TMEM117: variants seen among roughly 807,000 people sequenced by gnomAD.
TMEM117 encodes transmembrane protein 117.
Under a neutral mutation model 52.4 loss-of-function variants are expected in TMEM117, and 27 were observed. The ratio of observed to expected loss-of-function variants is 0.51; its 90% CI spans 0.38 to 0.71. TMEM117 has a LOEUF of 0.71. Among genes scored for constraint, TMEM117 ranks in the 30% least tolerant of loss-of-function variants. The pLI, the probability that TMEM117 is intolerant of heterozygous loss-of-function variation, is 0.00. For synonymous variants in TMEM117, 215 were observed against 206.3 expected (o/e 1.04, Z -0.36); for missense variants, 556 against 630.5 (o/e 0.88, Z 1.26).
At chr12:43,930,199 T>G (rs369212145) in intron 2 of TMEM117, among the ~76,000 whole-genome samples, 27 of 152,308 alleles carry the variant, frequency 1.8e-4, no homozygotes, top group African/African-American at 5.8e-4. Context: ...TAATTTTTGT[T>G]TACTCAGCAT....
At chr12:44,152,613 A>G (rs1172475369) in intron 4 of TMEM117, among the ~76,000 whole-genome samples, 1 of 126,394 alleles carries the variant, frequency 7.9e-6, no homozygotes, top group Non-Finnish European at 1.6e-5. Flanking sequence ...AAATTTTTAT[A>G]TACATAATAT....
chr12:43,817,034 T>G, the TMEM117 span, among the ~76,000 whole-genome samples: 1 of 152,220 alleles, frequency 6.6e-6, no homozygotes, highest in Non-Finnish European at 1.5e-5. Flanking sequence ...TTCAGCATTC[T>G]GAGCAGATGT....
rs548578541 is a variant in TMEM117, at chr12:44,167,142, G to A, written c.510+23518G>A. 1.8e-4 allele frequency among the ~76,000 whole-genome samples: 28 copies of A among 152,094 alleles called. No individual in the cohort carries two copies. The South Asian group carries it at 3.5e-3, about 19-fold the overall frequency. On this transcript the variant is annotated intron_variant, in intron 4 of 7. Coordinates refer to ENST00000266534, the MANE Select transcript of TMEM117 (RefSeq NM_032256.3). Reference sequence around the variant, plus strand: ...TTCCTGAAATTATATGCAATAAAACGTCCTCCATTCTACTTGAGCATAATT... The same window carrying A: ...TTCCTGAAATTATATGCAATAAAACATCCTCCATTCTACTTGAGCATAATT...
intron 2 of TMEM117, among the ~76,000 whole-genome samples, chr12:43,896,882 A>G (rs778490823): frequency 1.3e-5 from 2 of 152,164 alleles, no homozygotes; most frequent in Non-Finnish European, 2.9e-5. Flanking sequence ...TTTGCCCTAT[A>G]ATTTAATATA....
the TMEM117 span, among the ~76,000 whole-genome samples, chr12:44,396,399 A>G: frequency 6.6e-6 from 1 of 151,874 alleles, no homozygotes; most frequent in African/African-American, 2.4e-5. Flanking sequence ...TTCTTCCACT[A>G]TATGTTTATA....
intron 4 of TMEM117, among the ~76,000 whole-genome samples, chr12:44,157,565 T>C (rs527531837): frequency 6.6e-6 from 1 of 152,266 alleles, no homozygotes; most frequent in South Asian, 2.1e-4. Context: ...CTATTTTACA[T>C]AGCAGCCTTT....
chr12:44,082,719 T>C (rs1253861637), intron 3 of TMEM117, among the ~76,000 whole-genome samples: 1 of 152,148 alleles, frequency 6.6e-6, no homozygotes, highest in Non-Finnish European at 1.5e-5. Context: ...CATGAAAGTA[T>C]GTTATGCAAC....
intron 4 of TMEM117, among the ~76,000 whole-genome samples, chr12:44,183,840 C>T (rs944021760): frequency 2.0e-5 from 3 of 152,126 alleles, no homozygotes; most frequent in African/African-American, 4.8e-5. Flanking sequence ...CTCTTTTCTA[C>T]GTATTCATTG....
At chr12:44,208,048 A>G (rs570846978) in intron 4 of TMEM117, among the ~76,000 whole-genome samples, 1 of 152,276 alleles carries the variant, frequency 6.6e-6, no homozygotes, top group South Asian at 2.1e-4. Context: ...AATGTGAAGT[A>G]TAACTCTCAT....
chr12:44,135,882 AC>A (rs1463333026), intron 3 of TMEM117, among the ~76,000 whole-genome samples: 4 of 152,174 alleles, frequency 2.6e-5, no homozygotes, highest in Non-Finnish European at 5.9e-5. Flanking sequence ...ACTGACACAT[AC>A]CCATTAAAAT....
intron 3 of TMEM117, among the ~76,000 whole-genome samples, chr12:44,057,220 T>A (rs1161620681): frequency 6.6e-6 from 1 of 152,212 alleles, no homozygotes; most frequent in Non-Finnish European, 1.5e-5. Flanking sequence ...TAAGCGGGTC[T>A]TATGAATAAG....
chr12:44,058,627 A>T (rs1947093283), intron 3 of TMEM117, among the ~76,000 whole-genome samples: 1 of 152,208 alleles, frequency 6.6e-6, no homozygotes, highest in Admixed American at 6.5e-5. Context: ...ACTCATTCTT[A>T]AAAGGGTTTC....
At chr12:44,346,485 TCTCA>T (rs1028346246) in intron 6 of TMEM117, among the ~76,000 whole-genome samples, 4 of 152,260 alleles carry the variant, frequency 2.6e-5, no homozygotes, top group African/African-American at 9.6e-5. Context: ...TCTTTCTCTC[TCTCA>T]CTCTTGTTCT....
chr12:43,948,824 A>G (rs2137628566), intron 3 of TMEM117, among the ~76,000 whole-genome samples: 1 of 152,294 alleles, frequency 6.6e-6, no homozygotes, highest in Middle Eastern at 3.4e-3. Context: ...GAGTTTACCC[A>G]AAGGTCAGGA....
chr12:44,090,849 G>GTTTTTTTTTT (rs541939145), intron 3 of TMEM117, among the ~76,000 whole-genome samples: 206 of 101,520 alleles, frequency 2.0e-3, no homozygotes, highest in Non-Finnish European at 2.7e-3. Flanking sequence ...GTTTTTTTTT[G>GTTTTTTTTTT]TTTTTTTTTT....
chr12:44,280,723 C>T (rs1424154493), intron 5 of TMEM117, among the ~76,000 whole-genome samples: 1 of 151,666 alleles, frequency 6.6e-6, no homozygotes, highest in Non-Finnish European at 1.5e-5. Flanking sequence ...ATTCTCTGTG[C>T]CCTTGCCTAC....
At chr12:44,183,265 A>T (rs1245030461) in intron 4 of TMEM117, among the ~76,000 whole-genome samples, 1 of 152,180 alleles carries the variant, frequency 6.6e-6, no homozygotes, top group Non-Finnish European at 1.5e-5. Flanking sequence ...CTATTATTGT[A>T]TGTATGTCAA....
intron 4 of TMEM117, among the ~76,000 whole-genome samples, chr12:44,182,186 A>T (rs1949210618): frequency 6.6e-6 from 1 of 152,050 alleles, no homozygotes; most frequent in African/African-American, 2.4e-5. Flanking sequence ...AATGCTTGTG[A>T]TTTTTGTACC....
intron 3 of TMEM117, among the ~76,000 whole-genome samples, chr12:44,117,701 C>T (rs1948168728): frequency 6.6e-6 from 1 of 151,930 alleles, no homozygotes; most frequent in South Asian, 2.1e-4. Context: ...TTTAGAGCTT[C>T]ACTTTTATAT....
Sources: gnomAD v4.1 joint callset for allele counts (sites outside exome capture counted in the v4.1 genomes callset) on GRCh38, gnomAD v4.1.1 for gene constraint, MANE v1.5 for transcripts, NCBI Gene and HGNC (gene_info 2026-07-23, HGNC 2026-07-21) for gene names.